The following ARHGAP10 variants were observed in gnomAD, a reference collection of about 807,000 sequenced individuals.
ARHGAP10 encodes the protein rho GTPase-activating protein 10.
A neutral mutation model predicts 108.6 loss-of-function variants in ARHGAP10; 87 were observed. That is an observed-to-expected ratio of 0.80 (90% CI 0.67 to 0.96). ARHGAP10 has a LOEUF of 0.96. ARHGAP10 is among the 40% of genes least tolerant of loss of function. The probability of loss-of-function intolerance (pLI) is 0.00; values close to 1 mark genes in which losing one functional copy is unlikely to be tolerated. For missense variants in ARHGAP10, 939 were observed against 954.5 expected (o/e 0.98, Z 0.21); for synonymous variants, 347 against 341.1 (o/e 1.02, Z -0.19).
intron 10 of ARHGAP10, among the ~76,000 whole-genome samples, chr4:147,882,513 T>C (rs984308368): frequency 1.1e-4 from 17 of 151,320 alleles, no homozygotes; most frequent in Admixed American, 8.5e-4. Context: ...CCAAGCCTAA[T>C]TTGTAGCATG....
chr4:147,946,986 C>T (rs539186107), intron 15 of ARHGAP10, among the ~76,000 whole-genome samples: 37 of 152,166 alleles, frequency 2.4e-4, no homozygotes, highest in African/African-American at 7.7e-4. Context: ...TGAAACAACT[C>T]GTCGAGGCTG....
intron 1 of ARHGAP10, among the ~76,000 whole-genome samples, chr4:147,765,345 G>GGGC (rs1560745804): frequency 6.8e-6 from 1 of 146,788 alleles, no homozygotes; most frequent in East Asian, 2.1e-4. Flanking sequence ...TGTGGGGGGG[G>GGGC]GGGTGTGAGT....
intron 7 of ARHGAP10, among the ~76,000 whole-genome samples, chr4:147,874,052 A>C (rs748915930): frequency 1.4e-4 from 21 of 151,958 alleles, no homozygotes; most frequent in Non-Finnish European, 2.5e-4. Context: ...ACCTCTGCAG[A>C]CAGGTTTTCC....
chr4:148,050,937 A>T (rs985157521), intron 20 of ARHGAP10, among the ~76,000 whole-genome samples: 3 of 152,248 alleles, frequency 2.0e-5, no homozygotes, highest in Non-Finnish European at 4.4e-5. Context: ...GGCTCTTAAT[A>T]GGAGGCAATG....
chr4:147,869,191 C>T (rs1036570089), intron 7 of ARHGAP10, among the ~76,000 whole-genome samples: 5 of 152,058 alleles, frequency 3.3e-5, no homozygotes, highest in African/African-American at 9.7e-5. Context: ...CTCTTCTGAG[C>T]GCAGGGCCCT....
intron 1 of ARHGAP10, among the ~76,000 whole-genome samples, chr4:147,810,195 G>C (rs982753582): frequency 2.0e-5 from 3 of 152,106 alleles, no homozygotes; most frequent in Non-Finnish European, 4.4e-5. Context: ...ATTTACCCTT[G>C]CTCCTGCAAA....
At chr4:148,003,209 A>G (rs950036404) in intron 18 of ARHGAP10, among the ~76,000 whole-genome samples, 1 of 152,168 alleles carries the variant, frequency 6.6e-6, no homozygotes, top group Admixed American at 6.5e-5. Context: ...TTCAGTTTCC[A>G]TGTAGTTGAT....
In ARHGAP10 at chr4:147,955,005, A is replaced by G. The variant is rs149191158; in HGVS notation, c.1392-311A>G. On this transcript the variant is annotated intron_variant, in intron 15 of 22. Coordinates refer to ENST00000336498, the MANE Select transcript of ARHGAP10 (RefSeq NM_024605.4). ...GGTATGTTTGGCTTTAAATACATTA[A>G]TGTGTAGAAGGAAGTTTTATATATA... Among the ~76,000 whole-genome samples the G allele has an allele frequency of 2.6e-3, 401 of 152,130 alleles. 2 individuals carry two copies. Among genetic ancestry groups the G allele is most frequent in the African/African-American group, 9.3e-3 (387 of 41,530 alleles).
chr4:148,037,586 A>G (rs1437734293), intron 19 of ARHGAP10, among the ~76,000 whole-genome samples: 1 of 152,060 alleles, frequency 6.6e-6, no homozygotes, highest in African/African-American at 2.4e-5. Context: ...TGTAATCCCA[A>G]CCCTTTGGGA....
chr4:148,000,660 C>A (rs1419525136), intron 18 of ARHGAP10, among the ~76,000 whole-genome samples: 1 of 152,216 alleles, frequency 6.6e-6, no homozygotes, highest in South Asian at 2.1e-4. Context: ...TTTTGATTTG[C>A]ATTTCTCTGA....
intron 14 of ARHGAP10, among the ~76,000 whole-genome samples, chr4:147,942,676 G>A (rs942473569): frequency 2.6e-5 from 4 of 152,026 alleles, no homozygotes; most frequent in African/African-American, 9.7e-5. Context: ...GCATGAAATA[G>A]CAATGACATT....
chr4:147,810,819 TC>T (rs1324868384), intron 1 of ARHGAP10, among the ~76,000 whole-genome samples: 1 of 152,182 alleles, frequency 6.6e-6, no homozygotes, highest in Non-Finnish European at 1.5e-5. Flanking sequence ...TGGGGAATCT[TC>T]CTAAAGCCAT....
At chr4:147,813,061 T>C (rs553431562) in intron 1 of ARHGAP10, among the ~76,000 whole-genome samples, 68 of 152,316 alleles carry the variant, frequency 4.5e-4, no homozygotes, top group African/African-American at 1.6e-3. Flanking sequence ...CAGTTCCTTA[T>C]GTTTCAGTGG....
At chr4:148,004,330 G>A (rs1740856306) in intron 18 of ARHGAP10, among the ~76,000 whole-genome samples, 1 of 152,290 alleles carries the variant, frequency 6.6e-6, no homozygotes, top group East Asian at 1.9e-4. Flanking sequence ...GAAACAAATA[G>A]TCTTCAACAG....
chr4:148,032,310 A>G (rs984644167), intron 19 of ARHGAP10, among the ~76,000 whole-genome samples: 1 of 123,354 alleles, frequency 8.1e-6, no homozygotes, highest in African/African-American at 3.0e-5. Flanking sequence ...ATTATCTAAT[A>G]TTGGCAATTT....
chr4:147,736,120 C>CTGTG (rs10644088), intron 1 of ARHGAP10, among the ~76,000 whole-genome samples: 21,983 of 144,638 alleles, frequency 0.15, 1,845 homozygotes, highest in African/African-American at 0.25. Flanking sequence ...AATTGTCTAG[C>CTGTG]TGTGTGTGTG....
At chr4:147,750,613 T>TG (rs200431111) in intron 1 of ARHGAP10, among the ~76,000 whole-genome samples, 1 of 151,826 alleles carries the variant, frequency 6.6e-6, no homozygotes, top group Non-Finnish European at 1.5e-5. Context: ...TTTTTTTTTT[T>TG]TGGGGGGGGT....
chr4:147,867,655 AGAGATTG>A lies in ARHGAP10; in HGVS notation c.702+840_702+846del, dbSNP rs200912344. On this transcript the variant is annotated intron_variant, in intron 7 of 22. Coordinates refer to ENST00000336498, the MANE Select transcript of ARHGAP10 (RefSeq NM_024605.4). ...CCTAGGCGGGCAGATCGCGAGGTCA[AGAGATTG>A]AGACCATGCTGGCCAACATGGTGAA... 3.7e-3 allele frequency among the ~76,000 whole-genome samples: 558 copies of A among 152,150 alleles called. 6 individuals carry two copies. The highest frequency in any genetic ancestry group is 0.027 in the East Asian group (142 of 5,178).
chr4:147,866,147 A>T (rs553190159), intron 6 of ARHGAP10: 2 of 152,302 alleles, frequency 1.3e-5, no homozygotes, highest in Admixed American at 1.3e-4. Context: ...ACTTCTTTTT[A>T]CTTCTAGATT....
Sources: allele counts gnomAD v4.1 joint callset (sites outside exome capture counted in the v4.1 genomes callset), GRCh38; gene constraint gnomAD v4.1.1; transcripts MANE v1.5; gene names NCBI Gene and HGNC (gene_info 2026-07-23, HGNC 2026-07-21).